GRK1: variants seen among roughly 807,000 people sequenced by gnomAD.
GRK1 encodes G protein-coupled receptor kinase 1, also known as rhodopsin kinase GRK1.
Under a neutral mutation model 41.7 loss-of-function variants are expected in GRK1, and 28 were observed. The ratio of observed to expected loss-of-function variants is 0.67; its 90% confidence interval spans 0.50 to 0.92. The LOEUF (loss-of-function observed/expected upper bound fraction) is 0.92, where lower values mean the gene tolerates loss of function less well. Ranked by LOEUF, GRK1 falls within the 40% of genes least tolerant of loss-of-function variation. The pLI, the probability that GRK1 is intolerant of heterozygous loss-of-function variation, is 0.00. For synonymous variants in GRK1, 327 were observed against 286.7 expected (o/e 1.14, Z -1.42); for missense variants, 703 against 671.2 (o/e 1.05, Z -0.52).
chr13:113,649,585 A>G, the GRK1 span: 362 of 1,447,090 alleles, frequency 2.5e-4, 1 homozygote, highest in African/African-American at 4.7e-3. The surrounding 1 kb of genome is among the most constrained non-coding windows in gnomAD (Gnocchi z 4.7). Context: ...CTCTGAAGTT[A>G]AGGAGAGAAA....
At chr13:113,729,456 T>C (rs1158050749) in intron 4 of GRK1, among the ~76,000 whole-genome samples, 1 of 152,142 alleles carries the variant, frequency 6.6e-6, no homozygotes, top group Non-Finnish European at 1.5e-5. Context: ...ACAGGGGCAG[T>C]GAAGGGATCT....
chr13:113,728,124 TGAGGAGTACCCATGGC>T (rs1566696870), intron 4 of GRK1, among the ~76,000 whole-genome samples: 1 of 99,504 alleles, frequency 1.0e-5, no homozygotes. Flanking sequence ...CCCATGGCGA[TGAGGAGTACCCATGGC>T]GATGAGGAGT....
At chr13:113,733,926 A>ATGTGTGCATACG (rs1566700384) in intron 6 of GRK1, among the ~76,000 whole-genome samples, 1 of 45,970 alleles carries the variant, frequency 2.2e-5, no homozygotes, top group Non-Finnish European at 4.5e-5. Context: ...GCGTGTGTGC[A>ATGTGTGCATACG]TGTGTGCATA....
At chr13:113,732,425 G>C (rs1010432911) in intron 5 of GRK1, among the ~76,000 whole-genome samples, 1 of 152,164 alleles carries the variant, frequency 6.6e-6, no homozygotes, top group African/African-American at 2.4e-5. Flanking sequence ...GGCCTGATCC[G>C]GGGGCCTTGG....
intron 1 of GRK1, among the ~76,000 whole-genome samples, chr13:113,668,631 G>A (rs925688722): frequency 2.0e-5 from 3 of 152,218 alleles, no homozygotes; most frequent in Admixed American, 1.3e-4. Flanking sequence ...CACGCAGGCC[G>A]CTCTAAGTTT....
chr13:113,733,844 CATGTGTATGT>C (rs2049970506), intron 6 of GRK1, among the ~76,000 whole-genome samples: 3 of 84,132 alleles, frequency 3.6e-5, no homozygotes, highest in East Asian at 3.4e-4. Flanking sequence ...CGTGCGTGTG[CATGTGTATGT>C]GTGCATACGT....
chr13:113,732,864 GGCTAC>G lies in GRK1; in HGVS notation c.1195-17_1195-13del. 6.5e-7 allele frequency: 1 copy of G among 1,534,864 alleles called. No individual in the cohort carries two copies. Among genetic ancestry groups the G allele is most frequent in the Non-Finnish European group, 8.7e-7 (1 of 1,146,150 alleles). Reference sequence around the variant, plus strand: ...AGAGAGGCGGGTCTGGCAGGGCTAAGGCTACGCGTGTCCCCACAGGTGGAGAACAA... The same window carrying G: ...AGAGAGGCGGGTCTGGCAGGGCTAAGGCGTGTCCCCACAGGTGGAGAACAA... On this transcript the variant is annotated splice_polypyrimidine_tract_variant and intron_variant, in intron 5 of 6. Transcript: ENST00000335678.
chr13:113,732,889 G>T lies in GRK1; in HGVS notation c.1200G>T (p.Glu400Asp), dbSNP rs575182251. The T allele has an allele frequency of 2.6e-5, 40 of 1,536,578 alleles. No homozygotes were observed. The African/African-American group carries it at 5.5e-4, about 21-fold the overall frequency. ...GPFRARGEKV[E>D]NKELKHRIIS... Reference sequence around the variant, plus strand: ...GGCTACGCGTGTCCCCACAGGTGGAGAACAAGGAGCTGAAGCACCGGATCA... The same window carrying T: ...GGCTACGCGTGTCCCCACAGGTGGATAACAAGGAGCTGAAGCACCGGATCA... The change falls in exon 6 of 7, where the codon GAG (glutamate) becomes GAT (aspartate). Residue 400 changes from glutamate (E) to aspartate (D), a missense_variant. Transcript: ENST00000335678.
upstream of GRK1, among the ~76,000 whole-genome samples, chr13:113,666,238 C>T: frequency 6.7e-6 from 1 of 149,342 alleles, no homozygotes; most frequent in Admixed American, 6.6e-5. Context: ...CAAGATGTAC[C>T]CCAGGTGTGT....
Position 113,733,654 on chromosome 13 carries a change from TGTGTGTGC to T in GRK1, c.1396+578_1396+585del, listed in dbSNP as rs1184430650. ...GTGTGCTCATGTATGTGTGCATACG[TGTGTGTGC>T]GTGTGTGCACGTGTGTGCATGTATG... is the stretch of plus-strand genomic sequence containing the variant. On this transcript the variant is annotated intron_variant, in intron 6 of 6. Coordinates refer to ENST00000335678, the MANE Select transcript of GRK1 (RefSeq NM_002929.3). Among the ~76,000 whole-genome samples, 838 of 84,322 alleles carry T rather than the reference TGTGTGTGC, an allele frequency of 9.9e-3. 26 individuals are homozygous for T. The highest frequency in any genetic ancestry group is 0.047 in the African/African-American group (787 of 16,700). 55.3% of individuals were successfully genotyped at this position (84,322 alleles called of 152,430 possible).
chr13:113,652,286 G>C, the GRK1 span, among the ~76,000 whole-genome samples: 2 of 152,210 alleles, frequency 1.3e-5, no homozygotes, highest in East Asian at 3.9e-4. Flanking sequence ...CTGAGACCCT[G>C]GCTGACGGGG....
chr13:113,665,171 G>A (rs760049888), upstream of GRK1, among the ~76,000 whole-genome samples: 3 of 152,162 alleles, frequency 2.0e-5, no homozygotes, highest in Non-Finnish European at 2.9e-5. Flanking sequence ...TCCTTTCTGC[G>A]ACCCTTTGCT....
intron 4 of GRK1, among the ~76,000 whole-genome samples, chr13:113,727,974 G>A (rs1345912551): frequency 4.6e-5 from 4 of 87,472 alleles, no homozygotes; most frequent in Non-Finnish European, 8.4e-5. Context: ...AGGACCCATG[G>A]CGATGAGGAG....
chr13:113,732,269 C>A (rs911298417), intron 5 of GRK1, among the ~76,000 whole-genome samples: 1 of 152,196 alleles, frequency 6.6e-6, no homozygotes, highest in African/African-American at 2.4e-5. Context: ...TCCCTTCTGA[C>A]TTCCCTGGAC....
chr13:113,653,170 T>A, the GRK1 span: 1 of 1,466,196 alleles, frequency 6.8e-7, no homozygotes, highest in Non-Finnish European at 9.3e-7. Context: ...GAGTTTCTCA[T>A]GAAATAGAAA....
chr13:113,727,159 G>A (rs1040261489), intron 4 of GRK1, among the ~76,000 whole-genome samples: 9 of 152,248 alleles, frequency 5.9e-5, no homozygotes, highest in African/African-American at 2.2e-4. Context: ...GAGCTGGCTC[G>A]GGGGCCAGGC....
Position 113,669,723 on chromosome 13 carries a change from C to T in GRK1, c.736C>T (p.His246Tyr). ...GGAGAAGAAGATTCTGATGAAAGTA[C>T]ACAGCAGGTTCATCGTGTCTCTGGC... ...MVEKKILMKV[H>Y]SRFIVSLAYA... Residue 246 changes from histidine (H) to tyrosine (Y), a missense_variant, in exon 2 of 7, where the codon CAC becomes TAC. Transcript: ENST00000335678. 6.2e-7 allele frequency: 1 copy of T among 1,614,012 alleles called. No individual in the cohort carries two copies. The highest frequency in any genetic ancestry group is 8.5e-7 in the Non-Finnish European group (1 of 1,179,882).
chr13:113,733,673 G>GTA (rs748066326), intron 6 of GRK1, among the ~76,000 whole-genome samples: 2,620 of 83,814 alleles, frequency 0.031, 141 homozygotes, highest in African/African-American at 0.18. Flanking sequence ...GTGTGTGCAC[G>GTA]TGTGTGCATG....
chr13:113,649,585 A>C, the GRK1 span: 2 of 1,447,090 alleles, frequency 1.4e-6, no homozygotes, highest in Non-Finnish European at 9.1e-7. This position sits in a 1 kb window ranked among gnomAD's most constrained non-coding sequence, Gnocchi z 4.7. Flanking sequence ...CTCTGAAGTT[A>C]AGGAGAGAAA....
Sources: allele counts gnomAD v4.1 joint callset (sites outside exome capture counted in the v4.1 genomes callset), GRCh38; gene constraint gnomAD v4.1.1; non-coding constraint Gnocchi (gnomAD v3.1); transcripts MANE v1.5; gene names NCBI Gene and HGNC (gene_info 2026-07-23, HGNC 2026-07-21).